OTUD7A: variants seen among roughly 807,000 people sequenced by gnomAD.
OTUD7A encodes the protein OTU deubiquitinase 7A.
A neutral mutation model predicts 65.7 loss-of-function variants in OTUD7A; 12 were observed. That is an observed-to-expected ratio of 0.18 (90% CI 0.12 to 0.30). OTUD7A has a LOEUF of 0.30. OTUD7A is among the 10% of genes least tolerant of loss of function. OTUD7A has a pLI of 1.00. For synonymous variants in OTUD7A, 641 were observed against 586.3 expected (o/e 1.09, Z -1.35); for missense variants, 1,148 against 1,304.8 (o/e 0.88, Z 1.85).
chr15:31,769,097 CA>C (rs910240062), intron 1 of OTUD7A, among the ~76,000 whole-genome samples: 3 of 152,166 alleles, frequency 2.0e-5, no homozygotes, highest in Non-Finnish European at 4.4e-5. Context: ...TAAGACTCAA[CA>C]ATATGCTTTC....
At chr15:31,858,224 G>A (rs986382520) in intron 1 of OTUD7A, among the ~76,000 whole-genome samples, 1 of 152,188 alleles carries the variant, frequency 6.6e-6, no homozygotes, top group African/African-American at 2.4e-5. Flanking sequence ...GTGGCAGGTA[G>A]CCAGAGGGCA....
chr15:31,702,999 G>T (rs183129262), intron 1 of OTUD7A, among the ~76,000 whole-genome samples: 3 of 151,942 alleles, frequency 2.0e-5, no homozygotes, highest in African/African-American at 7.2e-5. Context: ...GCAACAAATG[G>T]TGCTGGAACA....
chr15:31,548,537 T>C (rs1343406690), intron 5 of OTUD7A, among the ~76,000 whole-genome samples: 1 of 152,122 alleles, frequency 6.6e-6, no homozygotes, highest in Non-Finnish European at 1.5e-5. Flanking sequence ...CAGGCAGCCA[T>C]GGGCAAACCC....
At chr15:31,618,996 T>C (rs1381154208) in intron 3 of OTUD7A, among the ~76,000 whole-genome samples, 5 of 152,250 alleles carry the variant, frequency 3.3e-5, no homozygotes, top group Non-Finnish European at 7.3e-5. Flanking sequence ...TACATATGGC[T>C]AGCCAGTTTT....
At chr15:31,752,812 T>TCC (rs1894674409) in intron 1 of OTUD7A, among the ~76,000 whole-genome samples, 1 of 152,014 alleles carries the variant, frequency 6.6e-6, no homozygotes, top group African/African-American at 2.4e-5. Flanking sequence ...AAAAAAAAAA[T>TCC]CTTTGCCATA....
At chr15:31,788,735 G>T (rs930564423) in intron 1 of OTUD7A, among the ~76,000 whole-genome samples, 12 of 152,186 alleles carry the variant, frequency 7.9e-5, no homozygotes, top group African/African-American at 2.9e-4. Flanking sequence ...ATGGAGGAGA[G>T]AAAAGGTACC....
At chr15:31,726,320 T>C (rs893822232) in intron 1 of OTUD7A, among the ~76,000 whole-genome samples, 11 of 138,564 alleles carry the variant, frequency 7.9e-5, no homozygotes, top group Admixed American at 4.0e-4. Context: ...ATTGTCTCTG[T>C]CTCTCGAATT....
At chr15:31,569,942 G>T in intron 4 of OTUD7A, 76 bp downstream of exon 4, 1 of 1,530,250 alleles carries the variant, frequency 6.5e-7, no homozygotes, top group Non-Finnish European at 8.9e-7. Flanking sequence ...ACCATTCTTT[G>T]TACCACGCAA....
intron 1 of OTUD7A, among the ~76,000 whole-genome samples, chr15:31,863,280 G>A (rs955140310): frequency 1.3e-5 from 2 of 152,144 alleles, no homozygotes; most frequent in African/African-American, 4.8e-5. Context: ...TCTGGAAGAT[G>A]GTGGCCCTCT....
chr15:31,587,473 TA>T (rs1030936805), intron 3 of OTUD7A, among the ~76,000 whole-genome samples: 7 of 147,592 alleles, frequency 4.7e-5, no homozygotes, highest in Admixed American at 6.7e-5. Context: ...CCGTCTCTAC[TA>T]AAAAAAAAAT....
At chr15:31,656,028 G>A (rs1360035698) in intron 2 of OTUD7A, among the ~76,000 whole-genome samples, 2 of 152,134 alleles carry the variant, frequency 1.3e-5, no homozygotes, top group African/African-American at 2.4e-5. Context: ...CACAGTTGAC[G>A]GAAATACCAC....
chr15:31,484,710 C>A lies in OTUD7A; in HGVS notation c.1386G>T (p.Gln462His). ...IPSETRAPLA[Q>H]PESPTASAGE... ...CTGCCGAGGCCGTGGGAGACTCCGG[C>A]TGTGCCAGGGGCGCCTGTGTGGAGA... The change falls in exon 13 of 13, where the codon CAG (glutamine) becomes CAT (histidine). Residue 462 changes from glutamine (Q) to histidine (H), a missense_variant. Physicochemically the swap from Gln to His is conservative, Grantham distance 24 (BLOSUM62 0). This residue lies in a region of OTUD7A where 842 missense variants were observed against 769.5 expected (regional missense o/e 1.09). Transcript: ENST00000307050. This position sits in a 1 kb window ranked among gnomAD's most constrained non-coding sequence, Gnocchi z 4.5. 1 of 1,589,792 alleles carries A rather than the reference C, an allele frequency of 6.3e-7. No homozygotes were observed. Among genetic ancestry groups the A allele is most frequent in the Non-Finnish European group, 8.5e-7 (1 of 1,173,962 alleles).
At chr15:31,833,152 T>C (rs1402698372) in intron 1 of OTUD7A, among the ~76,000 whole-genome samples, 1 of 152,246 alleles carries the variant, frequency 6.6e-6, no homozygotes, top group African/African-American at 2.4e-5. Flanking sequence ...GATACAAGCC[T>C]ATGCTCCTTT....
intron 3 of OTUD7A, among the ~76,000 whole-genome samples, chr15:31,582,509 C>A (rs1889402631): frequency 6.6e-6 from 1 of 152,230 alleles, no homozygotes; most frequent in Non-Finnish European, 1.5e-5. Flanking sequence ...AATTGGCTCA[C>A]AGTTACACAT....
At chr15:31,671,090 C>T (rs1892473475) in intron 1 of OTUD7A, among the ~76,000 whole-genome samples, 1 of 152,170 alleles carries the variant, frequency 6.6e-6, no homozygotes, top group Admixed American at 6.5e-5. Context: ...TAATTAGATC[C>T]CAATCTTTGC....
chr15:31,646,182 T>G (rs1464963687), intron 3 of OTUD7A, among the ~76,000 whole-genome samples: 1 of 152,056 alleles, frequency 6.6e-6, no homozygotes, highest in Non-Finnish European at 1.5e-5. Context: ...GGACAGCTCA[T>G]CCACAGGGCT....
intron 5 of OTUD7A, among the ~76,000 whole-genome samples, chr15:31,555,323 G>GA (rs1888454429): frequency 6.6e-6 from 1 of 152,042 alleles, no homozygotes; most frequent in Non-Finnish European, 1.5e-5. Flanking sequence ...TAAACAAATG[G>GA]ATTTTTTTTT....
chr15:31,655,029 A>G (rs1891947320), intron 3 of OTUD7A, 67 bp downstream of exon 3: 1 of 1,551,802 alleles, frequency 6.4e-7, no homozygotes, highest in South Asian at 1.2e-5. Context: ...CAGGTATTGG[A>G]AATCTTCTTA....
intron 1 of OTUD7A, among the ~76,000 whole-genome samples, chr15:31,803,537 G>C (rs1384568783): frequency 6.6e-6 from 1 of 152,140 alleles, no homozygotes; most frequent in Non-Finnish European, 1.5e-5. Context: ...GAGAACACTG[G>C]GGGAAGCACC....
Sources: gnomAD v4.1 joint callset for allele counts (sites outside exome capture counted in the v4.1 genomes callset) on GRCh38, gnomAD v4.1.1 for gene constraint, gnomAD v4.1.1 regional missense constraint, Gnocchi (gnomAD v3.1) non-coding constraint, MANE v1.5 for transcripts, NCBI Gene and HGNC (gene_info 2026-07-23, HGNC 2026-07-21) for gene names.